The following SEPTIN7 variants were observed in gnomAD, a reference collection of about 807,000 sequenced individuals.
SEPTIN7 encodes septin 7.
SEPTIN7 carries 10 observed loss-of-function variants against 63.3 expected under a neutral mutation model. The observed-to-expected ratio is 0.16, with a 90% CI of 0.10 to 0.27. SEPTIN7 has a LOEUF of 0.27. Among genes scored for constraint, SEPTIN7 ranks in the 10% least tolerant of loss-of-function variants. The pLI, the probability that SEPTIN7 is intolerant of heterozygous loss-of-function variation, is 1.00. For synonymous variants in SEPTIN7, 131 were observed against 165.3 expected, an observed-to-expected ratio of 0.79 and a Z score of 1.59; for missense variants, 310 against 521.0, an observed-to-expected ratio of 0.59 and a Z score of 3.94.
intron 12 of SEPTIN7, chr7:35,898,956 AG>A (rs1205584471): frequency 3.3e-5 from 5 of 152,244 alleles, no homozygotes; most frequent in African/African-American, 1.2e-4. Flanking sequence ...AACATTGGGC[AG>A]GGTAATGACA....
downstream of SEPTIN7, among the ~76,000 whole-genome samples, chr7:35,908,396 G>A (rs118140012): frequency 6.6e-6 from 1 of 152,336 alleles, no homozygotes; most frequent in Non-Finnish European, 1.5e-5. Context: ...GCTGGACCCA[G>A]CCAAACAGCC....
At chr7:35,883,154 T>G (rs1468527195) in intron 8 of SEPTIN7, among the ~76,000 whole-genome samples, 1 of 152,148 alleles carries the variant, frequency 6.6e-6, no homozygotes, top group Non-Finnish European at 1.5e-5. Flanking sequence ...AATACCATAC[T>G]GTACCCCACA....
chr7:35,884,618 G>A (rs751015455), intron 9 of SEPTIN7, among the ~76,000 whole-genome samples: 92 of 152,072 alleles, frequency 6.0e-4, no homozygotes, highest in Non-Finnish European at 1.1e-3. Flanking sequence ...CACTTTTATC[G>A]GAACGTCAGA....
intron 1 of SEPTIN7, among the ~76,000 whole-genome samples, chr7:35,829,135 T>G (rs1216687273): frequency 7.5e-6 from 1 of 132,498 alleles, no homozygotes; most frequent in Non-Finnish European, 1.6e-5. Context: ...CTTCTTTTTT[T>G]TTTTTTTTTT....
At chr7:35,910,376 CTA>C (rs1788720435), downstream of SEPTIN7, among the ~76,000 whole-genome samples, 2 of 152,212 alleles carry the variant, frequency 1.3e-5, no homozygotes, top group African/African-American at 4.8e-5. Context: ...TAAAATGAAA[CTA>C]TTTCAGTTTT....
intron 1 of SEPTIN7, among the ~76,000 whole-genome samples, chr7:35,825,308 T>C (rs1028805679): frequency 1.3e-5 from 2 of 152,194 alleles, no homozygotes; most frequent in African/African-American, 4.8e-5. Flanking sequence ...TGCTTAACTT[T>C]CCTAAGCTAT....
chr7:35,869,188 G>A (rs1203162090), intron 4 of SEPTIN7, among the ~76,000 whole-genome samples: 15 of 152,276 alleles, frequency 9.9e-5, no homozygotes, highest in East Asian at 1.9e-4. Context: ...AGGTCTCAGT[G>A]TAAGGAGACA....
At chr7:35,871,795 G>T (rs900243265) in intron 4 of SEPTIN7, among the ~76,000 whole-genome samples, 4 of 152,152 alleles carry the variant, frequency 2.6e-5, no homozygotes, top group African/African-American at 7.2e-5. Context: ...GAGAAAGCCT[G>T]TCTTTTTCTG....
At position 35,857,564 on chromosome 7, in the gene SEPTIN7, A is replaced by G. The variant is rs554499476; in HGVS notation, c.170-5988A>G. On this transcript the variant is annotated intron_variant, in intron 3 of 13. Transcript: ENST00000350320. ...TTGGTCCATAATTTCAGTGTTAAGT[A>G]GTCTAGGAATTGATGGAAGTTAATT... Among the ~76,000 whole-genome samples, 706 of 152,350 alleles carry G rather than the reference A, an allele frequency of 4.6e-3. 4 individuals are homozygous for G. The highest frequency in any genetic ancestry group is 0.01 in the Middle Eastern group (3 of 294).
chr7:35,896,229 AT>A (rs1787954632), intron 11 of SEPTIN7, among the ~76,000 whole-genome samples: 1 of 152,198 alleles, frequency 6.6e-6, no homozygotes, highest in African/African-American at 2.4e-5. Flanking sequence ...TAAGATAAAC[AT>A]TTTATAGATG....
intron 3 of SEPTIN7, among the ~76,000 whole-genome samples, chr7:35,848,681 A>T (rs1784814726): frequency 6.6e-6 from 1 of 152,198 alleles, no homozygotes; most frequent in African/African-American, 2.4e-5. Flanking sequence ...ATATCTTATG[A>T]AACTTTGCAG....
At chr7:35,810,510 A>G (rs1383496848) in intron 1 of SEPTIN7, among the ~76,000 whole-genome samples, 1 of 151,632 alleles carries the variant, frequency 6.6e-6, no homozygotes, top group Non-Finnish European at 1.5e-5. Flanking sequence ...TTTTTAGTAG[A>G]GCCTGGGTTT....
chr7:35,908,237 G>T (rs1220623178), downstream of SEPTIN7, among the ~76,000 whole-genome samples: 1 of 152,068 alleles, frequency 6.6e-6, no homozygotes, highest in Non-Finnish European at 1.5e-5. Flanking sequence ...CCATAATTTG[G>T]GATTCATCCA....
chr7:35,828,675 C>T (rs563841223), intron 1 of SEPTIN7, among the ~76,000 whole-genome samples: 4 of 152,216 alleles, frequency 2.6e-5, no homozygotes, highest in Non-Finnish European at 5.9e-5. Context: ...CCGTGCCCTG[C>T]CGACCTCCTG....
At chr7:35,868,654 T>G (rs941240527) in intron 4 of SEPTIN7, among the ~76,000 whole-genome samples, 1 of 152,016 alleles carries the variant, frequency 6.6e-6, no homozygotes, top group African/African-American at 2.4e-5. Flanking sequence ...TATAGAGGAC[T>G]CAGAGAGTGG....
intron 1 of SEPTIN7, among the ~76,000 whole-genome samples, chr7:35,830,291 A>G (rs1431165996): frequency 1.3e-5 from 2 of 152,188 alleles, no homozygotes; most frequent in Admixed American, 6.5e-5. Context: ...TGTTGGGGAA[A>G]GTGAAGTGAG....
intron 1 of SEPTIN7, among the ~76,000 whole-genome samples, chr7:35,818,577 G>A (rs60158346): frequency 0.034 from 5,214 of 151,960 alleles, 320 homozygotes; most frequent in African/African-American, 0.12. Flanking sequence ...AGACATCTGG[G>A]TATGGGCTTT....
chr7:35,810,326 C>CTTTTTTTTTTTTT (rs1201297520), intron 1 of SEPTIN7, among the ~76,000 whole-genome samples: 1 of 139,002 alleles, frequency 7.2e-6, no homozygotes, highest in African/African-American at 2.6e-5. Context: ...AAAATGTTTC[C>CTTTTTTTTTTTTT]TTTTTTTTTT....
chr7:35,825,305 C>A (rs1247139745), intron 1 of SEPTIN7, among the ~76,000 whole-genome samples: 1 of 152,148 alleles, frequency 6.6e-6, no homozygotes, highest in Non-Finnish European at 1.5e-5. Flanking sequence ...TTTTGCTTAA[C>A]TTTCCTAAGC....
Sources: allele counts gnomAD v4.1 joint callset (sites outside exome capture counted in the v4.1 genomes callset), GRCh38; gene constraint gnomAD v4.1.1; transcripts MANE v1.5; gene names NCBI Gene and HGNC (gene_info 2026-07-23, HGNC 2026-07-21).